BID: variants seen among roughly 807,000 people sequenced by gnomAD.
BID encodes BH3 interacting domain death agonist.
BID carries 19 observed loss-of-function variants against 17.4 expected under a neutral mutation model. The observed-to-expected ratio is 1.09, with a 90% CI of 0.76 to 1.60. BID has a LOEUF of 1.60. BID is among the 40% of genes most tolerant of loss of function. The pLI, the probability that BID is intolerant of heterozygous loss-of-function variation, is 0.00. For missense variants in BID, 226 were observed against 256.0 expected (o/e 0.88, Z 0.80); for synonymous variants, 108 against 102.8 (o/e 1.05, Z -0.31).
intron 4 of BID, 69 bp downstream of exon 4, chr22:17,739,280 G>C (rs1452504541): frequency 1.4e-5 from 20 of 1,467,170 alleles, no homozygotes; most frequent in Non-Finnish European, 1.8e-5. Context: ...TGGGCTGCCT[G>C]GTGAGAGGCA....
At chr22:17,737,976 G>T in intron 5 of BID, 41 bp downstream of exon 5, 1 of 1,603,190 alleles carries the variant, frequency 6.2e-7, no homozygotes, top group South Asian at 1.1e-5. Flanking sequence ...AAAAGGGCAT[G>T]GGCGGCAGGC....
rs745992075 is a variant in BID, at chr22:17,734,242, C to G, written c.*1338G>C. 6.6e-6 allele frequency: 1 copy of G among 152,166 alleles called. No homozygotes were observed. Among genetic ancestry groups the G allele is most frequent in the Non-Finnish European group, 1.5e-5 (1 of 68,032 alleles). 9.4% of individuals were successfully genotyped at this position (152,166 alleles called of 1,614,324 possible). A position where few individuals can be genotyped will look rare whatever the true frequency, so the allele number is the denominator to read the frequency against. ...TTTGCCCACTTTCAATTGAGCCAGC[C>G]CTAGCGTGGTATGTATTGCATGCTG... On this transcript the variant is annotated 3_prime_UTR_variant, in exon 6 of 6. Coordinates refer to ENST00000622694, the MANE Select transcript of BID (RefSeq NM_001196.4).
rs2061418762 is a variant in BID, at chr22:17,736,268, CTAACA to C, written c.577-682_577-678del. Among the ~76,000 whole-genome samples, 3 of 152,156 alleles carry C rather than the reference CTAACA, an allele frequency of 2.0e-5. No individual in the cohort carries two copies. The South Asian group carries it at 6.2e-4, about 32-fold the overall frequency. On this transcript the variant is annotated intron_variant, in intron 5 of 5. Transcript: ENST00000622694. ...CTGAGGTTGGGAGTTCGAGACCAGC[CTAACA>C]TGGGAGAAACCTCATCTCTACTAAA... is the stretch of plus-strand genomic sequence containing the variant.
At chr22:17,755,998 G>C (rs2145901579) in intron 1 of BID, among the ~76,000 whole-genome samples, 1 of 152,114 alleles carries the variant, frequency 6.6e-6, no homozygotes, top group South Asian at 2.1e-4. Flanking sequence ...CTCCTGAGTA[G>C]CTAGGATTAC....
At chr22:17,744,351 T>C (rs1601843187) in intron 2 of BID, among the ~76,000 whole-genome samples, 1 of 151,746 alleles carries the variant, frequency 6.6e-6, no homozygotes, top group African/African-American at 2.4e-5. Context: ...GGCGAGCGAG[T>C]GTCATGCGGG....
intron 1 of BID, among the ~76,000 whole-genome samples, chr22:17,756,460 TTTC>T (rs751578386): frequency 0.048 from 5,562 of 116,406 alleles, 150 homozygotes; most frequent in Non-Finnish European, 0.07. Flanking sequence ...TCTTTCTTTC[TTTC>T]TTTCTTTCTT....
At chr22:17,739,910 C>A in intron 3 of BID, 1 of 726,776 alleles carries the variant, frequency 1.4e-6, no homozygotes, top group South Asian at 1.7e-5. Context: ...TTTGCCCTCT[C>A]AAGCCTGAGA....
chr22:17,739,685 C>T (rs966350912), intron 3 of BID, 197 bp from the exon 4 acceptor site: 7 of 712,560 alleles, frequency 9.8e-6, no homozygotes, highest in South Asian at 2.0e-5. Context: ...TGGGCAGTGC[C>T]GGAGCTCAGG....
In BID at chr22:17,735,013, A is replaced by AATCT. The variant is rs1224266524; in HGVS notation, c.*563_*566dup. ...ATTTGAGTGCAGCACTTTAGTTCAG[A>AATCT]ATCTCTGTGCCATGTGGTTTTTTAA... On this transcript the variant is annotated 3_prime_UTR_variant, in exon 6 of 6. Coordinates refer to ENST00000622694, the MANE Select transcript of BID (RefSeq NM_001196.4). 6.6e-6 allele frequency: 1 copy of AATCT among 152,508 alleles called. No individual in the cohort carries two copies. Among genetic ancestry groups the AATCT allele is most frequent in the Non-Finnish European group, 1.5e-5 (1 of 68,318 alleles). The allele number at this position is 152,508 out of a possible 1,614,324, so 9.4% of individuals were successfully genotyped here. A position where few individuals can be genotyped will look rare whatever the true frequency, so the allele number is the denominator to read the frequency against.
chr22:17,767,627 A>T (rs2061688441), intron 1 of BID, among the ~76,000 whole-genome samples: 1 of 152,238 alleles, frequency 6.6e-6, no homozygotes, highest in African/African-American at 2.4e-5. Flanking sequence ...GATCTCTGTC[A>T]TCCGCCTACA....
At chr22:17,736,504 A>C (rs8190351) in intron 5 of BID, among the ~76,000 whole-genome samples, 70 of 152,136 alleles carry the variant, frequency 4.6e-4, no homozygotes, top group African/African-American at 1.4e-3. Context: ...AATATTTTTA[A>C]ATTTACAAAT....
At chr22:17,754,317 G>T (rs1042089784) in intron 1 of BID, among the ~76,000 whole-genome samples, 1 of 152,256 alleles carries the variant, frequency 6.6e-6, no homozygotes, top group Non-Finnish European at 1.5e-5. Flanking sequence ...AGCAGGCACC[G>T]CCAGGCCCCT....
At chr22:17,739,171 C>G (rs2061440014) in intron 4 of BID, among the ~76,000 whole-genome samples, 178 bp downstream of exon 4, 1 of 89,364 alleles carries the variant, frequency 1.1e-5, no homozygotes, top group African/African-American at 3.5e-5. Flanking sequence ...TGTCAACCAG[C>G]TGAAATCTTC....
rs1256955239 is a variant in BID, at chr22:17,761,174, CAG to C, written c.-58-11002_-58-11001del. 2.6e-5 allele frequency among the ~76,000 whole-genome samples: 4 copies of C among 152,180 alleles called. 1 individual carries two copies. Among genetic ancestry groups the C allele is most frequent in the Non-Finnish European group, 5.9e-5 (4 of 68,038 alleles). ...ATCTTTGTGATTTTCCAGGGGCACT[CAG>C]AGTCTCAGGGACAGTTTTAGAGGCA... On this transcript the variant is annotated intron_variant, in intron 1 of 5. Coordinates refer to ENST00000622694, the MANE Select transcript of BID (RefSeq NM_001196.4).
At chr22:17,771,950 A>C (rs998996000) in intron 1 of BID, among the ~76,000 whole-genome samples, 2 of 152,178 alleles carry the variant, frequency 1.3e-5, no homozygotes, top group Non-Finnish European at 2.9e-5. Flanking sequence ...CCTTACCCCC[A>C]GTGGCCTAAC....
chr22:17,738,109 G>A lies in BID; in HGVS notation c.484C>T (p.His162Tyr). 6.2e-7 allele frequency: 1 copy of A among 1,614,138 alleles called. No homozygotes were observed. The highest frequency in any genetic ancestry group is 2.2e-5 in the East Asian group (1 of 44,880). The change falls in exon 5 of 6, where the codon CAC becomes TAC. Residue 162 changes from histidine to tyrosine, a missense_variant. By Grantham distance (83) the His-to-Tyr change is moderately conservative. Coordinates refer to ENST00000622694, the MANE Select transcript of BID (RefSeq NM_001196.4). The stretch of plus-strand genomic sequence containing the variant: ...ACATCACGGAGCAAGGACGGCGTGT[G>A]ACTGGCCACCTTCTTGGCCAGCAGC... ...ALLLAKKVAS[H>Y]TPSLLRDVFH...
chr22:17,764,623 T>C (rs1396047527), intron 1 of BID, among the ~76,000 whole-genome samples: 1 of 152,190 alleles, frequency 6.6e-6, no homozygotes, highest in Admixed American at 6.5e-5. Flanking sequence ...TAGCTTTTTG[T>C]TGGGGGGTGG....
chr22:17,745,840 T>C (rs1386552238), intron 2 of BID, among the ~76,000 whole-genome samples: 3 of 151,474 alleles, frequency 2.0e-5, no homozygotes, highest in Non-Finnish European at 4.4e-5. Flanking sequence ...GTGGCGGGCG[T>C]CTGTAGTCCC....
Position 17,773,572 on chromosome 22 carries a change from G to C in BID, c.-59+809C>G, listed in dbSNP as rs753981182. ...CCAACCCTGCCTGCAGGTGAAGGCC[G>C]GTCCAGCCGCAGAAGGCCCAGCCCC... On this transcript the variant is annotated intron_variant, in intron 1 of 5. Coordinates refer to ENST00000622694, the MANE Select transcript of BID (RefSeq NM_001196.4). The surrounding 1 kb of genome is among the most constrained non-coding windows in gnomAD (Gnocchi z 4.4). 2 of 1,608,358 alleles carry C rather than the reference G, an allele frequency of 1.2e-6. No individual in the cohort carries two copies. The highest frequency in any genetic ancestry group is 1.1e-5 in the South Asian group (1 of 90,914).
Sources: gnomAD v4.1 joint callset for allele counts (sites outside exome capture counted in the v4.1 genomes callset) on GRCh38, gnomAD v4.1.1 for gene constraint, Gnocchi (gnomAD v3.1) non-coding constraint, MANE v1.5 for transcripts, NCBI Gene and HGNC (gene_info 2026-07-23, HGNC 2026-07-21) for gene names.